MICALL1: variants seen among roughly 807,000 people sequenced by gnomAD.
MICALL1 encodes MICAL like 1.
In MICALL1, 61 loss-of-function variants were observed where a neutral mutation model predicts 83.7. The ratio of observed to expected loss-of-function variants is 0.73; its 90% confidence interval spans 0.59 to 0.90. The LOEUF is 0.90. MICALL1 is among the 40% of genes least tolerant of loss of function. MICALL1 has a pLI of 0.00. For synonymous variants in MICALL1, 481 were observed against 473.6 expected, an observed-to-expected ratio of 1.02 and a Z score of -0.20; for missense variants, 1,066 against 1,152.0, an observed-to-expected ratio of 0.93 and a Z score of 1.08.
rs1930469166 is a variant in MICALL1, at chr22:37,942,166, C to T, written c.*1336C>T. The T allele has an allele frequency of 6.6e-6, 1 of 152,320 alleles. No individual in the cohort carries two copies. Among genetic ancestry groups the T allele is most frequent in the Admixed American group, 6.5e-5 (1 of 15,288 alleles). 9.4% of individuals were successfully genotyped at this position (152,320 alleles called of 1,614,324 possible). A position where few individuals can be genotyped will look rare whatever the true frequency, so the allele number is the denominator to read the frequency against. Reference sequence around the variant, plus strand: ...CTCACCGCCTGCCACTGGGCAGGATCCCTTTCCTCTGCAGGGAGAGGTGGC... The same window carrying T: ...CTCACCGCCTGCCACTGGGCAGGATTCCTTTCCTCTGCAGGGAGAGGTGGC... On this transcript the variant is annotated 3_prime_UTR_variant, in exon 16 of 16. Transcript: ENST00000215957.
chr22:37,933,102 C>CAA lies in MICALL1; in HGVS notation c.2299_2300dup (p.Asn767LysfsTer19). On this transcript the variant is annotated frameshift_variant, in exon 13 of 16. Transcript: ENST00000215957. LOFTEE classifies it high-confidence loss of function. ...TCGAGTATGAGCTCCGGTGCCTCCT[C>CAA]AATAAGCCAGGTGAGTGCAGCCACT... is the stretch of plus-strand genomic sequence containing the variant. 6.2e-7 allele frequency: 1 copy of CAA among 1,613,798 alleles called. No homozygotes were observed. The highest frequency in any genetic ancestry group is 8.5e-7 in the Non-Finnish European group (1 of 1,179,986).
chr22:37,927,151 T>G (rs1929494189), intron 8 of MICALL1: 1 of 448,466 alleles, frequency 2.2e-6, no homozygotes, highest in East Asian at 3.3e-5. Flanking sequence ...GGTGCCCTCA[T>G]GGGGGCTATG....
rs1355409476 is a variant in MICALL1 at position 37,932,308 on chromosome 22, C to T, written c.2017-245C>T. 6.6e-6 allele frequency among the ~76,000 whole-genome samples: 1 copy of T among 152,238 alleles called. No homozygotes were observed. The highest frequency in any genetic ancestry group is 6.5e-5 in the Admixed American group (1 of 15,282). On this transcript the variant is annotated intron_variant, in intron 10 of 15. Coordinates refer to ENST00000215957, the MANE Select transcript of MICALL1 (RefSeq NM_033386.4). The surrounding 1 kb of genome is among the most constrained non-coding windows in gnomAD (Gnocchi z 4.4). ...TGGAGTGGCAGAGAGGAGGCGTTTC[C>T]GTGAAGGGCAGGGAGTCATGCCACC...
intron 15 of MICALL1, among the ~76,000 whole-genome samples, chr22:37,938,522 T>G (rs1251286588): frequency 2.0e-5 from 3 of 151,382 alleles, no homozygotes; most frequent in Non-Finnish European, 4.4e-5. Flanking sequence ...GGTGTGATTT[T>G]GGCTTACTGC....
At position 37,932,591 on chromosome 22, in the gene MICALL1, T is replaced by C; in HGVS notation, c.2055T>C (p.His685=). 6.2e-7 allele frequency: 1 copy of C among 1,614,076 alleles called. No homozygotes were observed. The highest frequency in any genetic ancestry group is 8.5e-7 in the Non-Finnish European group (1 of 1,179,970). The part of the protein sequence containing the change: ...ADQYIPEEDI[H]GEMDTIERRL... ...AGTACATCCCTGAGGAGGACATCCA[T>C]GGAGAGATGGATACCATTGAGCGCC... Residue 685 remains histidine (H), a synonymous_variant, in exon 11 of 16, where the codon CAT becomes CAC. Coordinates refer to ENST00000215957, the MANE Select transcript of MICALL1 (RefSeq NM_033386.4). This position sits in a 1 kb window ranked among gnomAD's most constrained non-coding sequence, Gnocchi z 4.4.
At chr22:37,914,851 A>C (rs1231388032) in intron 3 of MICALL1, among the ~76,000 whole-genome samples, 1 of 151,206 alleles carries the variant, frequency 6.6e-6, no homozygotes, top group African/African-American at 2.4e-5. Context: ...CATGTTACCC[A>C]GGTTGGTCTT....
chr22:37,917,658 A>G (rs1333007735), intron 3 of MICALL1, 49 bp from the exon 4 acceptor site: 5 of 1,561,956 alleles, frequency 3.2e-6, no homozygotes, highest in Middle Eastern at 1.7e-4. Flanking sequence ...ACCTCCTGGG[A>G]CTCCAGGATC....
chr22:37,932,430 T>G lies in MICALL1; in HGVS notation c.2017-123T>G. 2.1e-6 allele frequency: 3 copies of G among 1,458,196 alleles called. No individual in the cohort carries two copies. The highest frequency in any genetic ancestry group is 2.8e-6 in the Non-Finnish European group (3 of 1,081,386). The allele number at this position is 1,458,196 out of a possible 1,614,324, so 90.3% of individuals were successfully genotyped here. A position where few individuals can be genotyped will look rare whatever the true frequency, so the allele number is the denominator to read the frequency against. On this transcript the variant is annotated intron_variant, in intron 10 of 15. Transcript: ENST00000215957. This position sits in a 1 kb window ranked among gnomAD's most constrained non-coding sequence, Gnocchi z 4.4. Reference sequence around the variant, plus strand: ...CCACTGGGACCCTGCCTTCTTACCATGCTGGGGTGGGGGACAGGGCCCGGG... The same window carrying G: ...CCACTGGGACCCTGCCTTCTTACCAGGCTGGGGTGGGGGACAGGGCCCGGG...
chr22:37,906,314 C>G lies in MICALL1; in HGVS notation c.-109C>G, dbSNP rs1449769377. On this transcript the variant is annotated 5_prime_UTR_variant, in exon 1 of 16. Coordinates refer to ENST00000215957, the MANE Select transcript of MICALL1 (RefSeq NM_033386.4). This position sits in a 1 kb window ranked among gnomAD's most constrained non-coding sequence, Gnocchi z 4.4. ...CTCCCCTCGCCTGCCGGTCGGCGCCCGAGCTCGGAGCCGCAGCCGCAGCCG... is the reference window on the plus strand; with the variant it reads ...CTCCCCTCGCCTGCCGGTCGGCGCCGGAGCTCGGAGCCGCAGCCGCAGCCG... 3 of 842,062 alleles carry G rather than the reference C, an allele frequency of 3.6e-6. No homozygotes were observed. The highest frequency in any genetic ancestry group is 4.3e-6 in the Non-Finnish European group (3 of 699,268). 52.2% of individuals were successfully genotyped at this position (842,062 alleles called of 1,614,324 possible). A position where few individuals can be genotyped will look rare whatever the true frequency, so the allele number is the denominator to read the frequency against.
At chr22:37,938,864 C>T (rs530372013) in intron 15 of MICALL1, among the ~76,000 whole-genome samples, 2 of 152,202 alleles carry the variant, frequency 1.3e-5, no homozygotes, top group East Asian at 1.9e-4. Context: ...CCGCTCGCCT[C>T]GGCCTCCCAA....
intron 13 of MICALL1, among the ~76,000 whole-genome samples, chr22:37,936,225 C>T (rs1027809831): frequency 6.6e-6 from 1 of 152,110 alleles, no homozygotes; most frequent in Non-Finnish European, 1.5e-5. Flanking sequence ...GCAGGTGTGC[C>T]CAGCTTCAGG....
In MICALL1 at chr22:37,906,927, C is replaced by T. The variant is rs1486020905; in HGVS notation, c.146+359C>T. The T allele has an allele frequency of 6.5e-6, 1 of 153,682 alleles. No homozygotes were observed. The highest frequency in any genetic ancestry group is 6.5e-5 in the Admixed American group (1 of 15,326). 9.5% of individuals were successfully genotyped at this position (153,682 alleles called of 1,614,324 possible). ...TGAGCCCTCTTTGGGGGCCCTGGGC[C>T]TCTCCTACCCTAAACTCTTCTCCAC... On this transcript the variant is annotated intron_variant, in intron 1 of 15. Coordinates refer to ENST00000215957, the MANE Select transcript of MICALL1 (RefSeq NM_033386.4). The surrounding 1 kb of genome is among the most constrained non-coding windows in gnomAD (Gnocchi z 4.4).
At chr22:37,931,751 C>A in intron 9 of MICALL1, 48 bp from the exon 10 acceptor site, 1 of 1,609,880 alleles carries the variant, frequency 6.2e-7, no homozygotes, top group Non-Finnish European at 8.5e-7. Flanking sequence ...TGGGGTCTCA[C>A]GTGCCCTCTT....
chr22:37,937,894 A>AGT, intron 15 of MICALL1, 102 bp downstream of exon 15: 2 of 1,463,528 alleles, frequency 1.4e-6, no homozygotes, highest in Non-Finnish European at 1.9e-6. Context: ...GGGCACTACC[A>AGT]GGATGGCTGT....
Position 37,912,651 on chromosome 22 carries a change from T to C in MICALL1, c.337+159T>C, listed in dbSNP as rs566485834. ...TTCACTCATTGAAATATTTCTTTTT[T>C]TTTTTGAGACAGAGTTTCGCTCTTT... On this transcript the variant is annotated intron_variant, in intron 3 of 15. Coordinates refer to ENST00000215957, the MANE Select transcript of MICALL1 (RefSeq NM_033386.4). 2.0e-5 allele frequency among the ~76,000 whole-genome samples: 3 copies of C among 152,264 alleles called. No homozygotes were observed. The South Asian group carries it at 6.2e-4, about 32-fold the overall frequency.
Position 37,926,041 on chromosome 22 carries a change from T to C in MICALL1, c.1463T>C (p.Leu488Pro). 1.3e-6 allele frequency: 2 copies of C among 1,587,220 alleles called. No homozygotes were observed. The highest frequency in any genetic ancestry group is 1.7e-6 in the Non-Finnish European group (2 of 1,164,638). The change falls in exon 8 of 16, where the codon CTG becomes CCG. Residue 488 changes from leucine (L) to proline (P), a missense_variant and splice_region_variant. Leu to Pro is a moderately conservative substitution (Grantham distance 98). Transcript: ENST00000215957. ...PAPRAPSASP[L>P]ALHASRLSHS... ...CCGCGCGCACCCAGCGCGTCCCCACTGGGTGAGTGCCTTTCCTGGAGCTCT... is the reference window on the plus strand; with the variant it reads ...CCGCGCGCACCCAGCGCGTCCCCACCGGGTGAGTGCCTTTCCTGGAGCTCT...
Position 37,930,381 on chromosome 22 carries a change from C to T in MICALL1, c.1882-1418C>T, listed in dbSNP as rs1169860108. On this transcript the variant is annotated intron_variant, in intron 9 of 15. Coordinates refer to ENST00000215957, the MANE Select transcript of MICALL1 (RefSeq NM_033386.4). This position sits in a 1 kb window ranked among gnomAD's most constrained non-coding sequence, Gnocchi z 4.8. ...GGGTGCTGCCCTGTGGGAGCCAAGC[C>T]CTGGCTTCTTGCTGTGCCCAGACCT... is the stretch of plus-strand genomic sequence containing the variant. 1.3e-4 allele frequency among the ~76,000 whole-genome samples: 20 copies of T among 152,114 alleles called. No homozygotes were observed.
At chr22:37,937,549 G>A (rs1449163275) in intron 14 of MICALL1, among the ~76,000 whole-genome samples, 197 bp from the exon 15 acceptor site, 3 of 150,430 alleles carry the variant, frequency 2.0e-5, no homozygotes, top group East Asian at 3.9e-4. Flanking sequence ...TCTGCCTCCC[G>A]AGTAGCTGGG....
intron 9 of MICALL1, among the ~76,000 whole-genome samples, chr22:37,929,386 T>C (rs1168523314): frequency 6.6e-6 from 1 of 152,144 alleles, no homozygotes; most frequent in Non-Finnish European, 1.5e-5. Flanking sequence ...GGGGAGGTGC[T>C]ATAATGTACA....
Sources: allele counts gnomAD v4.1 joint callset (sites outside exome capture counted in the v4.1 genomes callset), GRCh38; gene constraint gnomAD v4.1.1; non-coding constraint Gnocchi (gnomAD v3.1); transcripts MANE v1.5; gene names NCBI Gene and HGNC (gene_info 2026-07-23, HGNC 2026-07-21).